The following TBCK variants were observed in gnomAD, a reference collection of about 807,000 sequenced individuals.
TBCK encodes TBC1 domain containing kinase.
In TBCK, 99 loss-of-function variants were observed where a neutral mutation model predicts 113.4. The ratio of observed to expected loss-of-function variants is 0.87; its 90% confidence interval spans 0.74 to 1.03. The LOEUF is 1.03. Among genes scored for constraint, TBCK ranks in the 50% least tolerant of loss-of-function variants. The pLI is 0.00. For missense variants in TBCK, 1,045 were observed against 1,061.3 expected, an observed-to-expected ratio of 0.98 and a Z score of 0.21; for synonymous variants, 369 against 370.8, an observed-to-expected ratio of 1.00 and a Z score of 0.05.
chr4:106,220,605 C>A (rs1381120920), intron 19 of TBCK, among the ~76,000 whole-genome samples: 1 of 151,640 alleles, frequency 6.6e-6, no homozygotes, highest in African/African-American at 2.4e-5. Context: ...TTTACCCATG[C>A]TGGATTTAAA....
At chr4:106,159,773 A>C (rs1439432261) in intron 23 of TBCK, among the ~76,000 whole-genome samples, 1 of 152,038 alleles carries the variant, frequency 6.6e-6, no homozygotes, top group Non-Finnish European at 1.5e-5. Flanking sequence ...AAATAGAAAG[A>C]CCTATCCCAA....
intron 22 of TBCK, among the ~76,000 whole-genome samples, chr4:106,191,356 A>G (rs1753646690): frequency 6.6e-6 from 1 of 152,234 alleles, no homozygotes; most frequent in African/African-American, 2.4e-5. Flanking sequence ...AAATGAAAAT[A>G]GTATTATTCA....
chr4:106,264,278 G>C (rs182298328), intron 3 of TBCK, among the ~76,000 whole-genome samples: 39 of 152,084 alleles, frequency 2.6e-4, no homozygotes, highest in African/African-American at 7.7e-4. Flanking sequence ...AGATAATGTG[G>C]TCAGGGAAGT....
chr4:106,185,143 G>A (rs1191560038), intron 22 of TBCK, among the ~76,000 whole-genome samples: 2 of 151,984 alleles, frequency 1.3e-5, no homozygotes, highest in East Asian at 3.9e-4. Flanking sequence ...TTGATAATTT[G>A]CACAGAAGGA....
chr4:106,295,103 T>C lies in TBCK; in HGVS notation c.257A>G (p.Lys86Arg), dbSNP rs1345914815. The change falls in exon 3 of 26, where the codon AAA becomes AGA. Residue 86 changes from lysine (K) to arginine (R), a missense_variant. Coordinates refer to ENST00000394708, the MANE Select transcript of TBCK (RefSeq NM_001163435.3). ...TGATACTATACAGTACCTCACAGGT[T>C]TCCTTTCTCGAAGCAAGTCTTCCAG... ...RSLEDLLRER[K>R]PVSCSTVLCI... 11 of 1,612,904 alleles carry C rather than the reference T, an allele frequency of 6.8e-6. No homozygotes were observed. Among genetic ancestry groups the C allele is most frequent in the Non-Finnish European group, 7.6e-6 (9 of 1,179,310 alleles).
chr4:106,155,382 A>G (rs1228513330), intron 23 of TBCK, among the ~76,000 whole-genome samples: 3 of 152,092 alleles, frequency 2.0e-5, no homozygotes, highest in African/African-American at 7.2e-5. Flanking sequence ...TTGTACTTGA[A>G]TATTGATATC....
At position 106,041,990 on chromosome 4, in the gene TBCK, G is replaced by T. The variant is rs1733900684; in HGVS notation, c.*4580C>A. 1.3e-5 allele frequency: 2 copies of T among 152,136 alleles called. No individual in the cohort carries two copies. Among genetic ancestry groups the T allele is most frequent in the African/African-American group, 2.4e-5 (1 of 41,426 alleles). The allele number at this position is 152,136 out of a possible 1,614,324, so 9.4% of individuals were successfully genotyped here. The stretch of plus-strand genomic sequence containing the variant: ...TAAAACTGGATTACAAAACCTAAAG[G>T]TTGTGTGTGAGCAATTACATACCCT... On this transcript the variant is annotated 3_prime_UTR_variant, in exon 26 of 26. Transcript: ENST00000394708.
At chr4:106,266,060 A>C (rs1762961935) in intron 3 of TBCK, among the ~76,000 whole-genome samples, 1 of 151,678 alleles carries the variant, frequency 6.6e-6, no homozygotes, top group Non-Finnish European at 1.5e-5. Context: ...AGTTTTCATA[A>C]ACATCTTCAA....
rs1397937139 is a variant in TBCK, at chr4:106,043,951, C to A, written c.*2619G>T. 2 of 152,100 alleles carry A rather than the reference C, an allele frequency of 1.3e-5. No homozygotes were observed. Among genetic ancestry groups the A allele is most frequent in the Non-Finnish European group, 2.9e-5 (2 of 68,028 alleles). The allele number at this position is 152,100 out of a possible 1,614,324, so 9.4% of individuals were successfully genotyped here. A position where few individuals can be genotyped will look rare whatever the true frequency, so the allele number is the denominator to read the frequency against. On this transcript the variant is annotated 3_prime_UTR_variant, in exon 26 of 26. Coordinates refer to ENST00000394708, the MANE Select transcript of TBCK (RefSeq NM_001163435.3). The stretch of plus-strand genomic sequence containing the variant: ...GTATCATCCACCATGAAATAACATG[C>A]CCTGTGTATAAACATGGCAGTGATA...
At chr4:106,292,177 T>C (rs1189757370) in intron 3 of TBCK, among the ~76,000 whole-genome samples, 1 of 152,194 alleles carries the variant, frequency 6.6e-6, no homozygotes, top group Non-Finnish European at 1.5e-5. Context: ...TGTGAGTCTA[T>C]GCACTGTGCC....
chr4:106,253,008 A>G (rs1280706606), intron 5 of TBCK, among the ~76,000 whole-genome samples: 3 of 152,172 alleles, frequency 2.0e-5, no homozygotes, highest in Non-Finnish European at 2.9e-5. Context: ...GAAAGCTTCA[A>G]TGAACACCCA....
At chr4:106,095,414 T>A in intron 25 of TBCK, 68 bp downstream of exon 25, 1 of 1,387,838 alleles carries the variant, frequency 7.2e-7, no homozygotes, top group Admixed American at 2.2e-5. Context: ...TACTTTTAGA[T>A]AACCTTCATA....
At chr4:106,169,733 GA>G (rs1750775386) in intron 23 of TBCK, among the ~76,000 whole-genome samples, 1 of 152,014 alleles carries the variant, frequency 6.6e-6, no homozygotes, top group Admixed American at 6.6e-5. Context: ...AATATATAAT[GA>G]AATAATTACA....
chr4:106,116,356 T>C lies in TBCK; in HGVS notation c.2258A>G (p.Asn753Ser). The C allele has an allele frequency of 4.3e-6, 7 of 1,613,232 alleles. No homozygotes were observed. The highest frequency in any genetic ancestry group is 5.9e-6 in the Non-Finnish European group (7 of 1,179,716). The change falls in exon 24 of 26, where the codon AAT (asparagine) becomes AGT (serine). Residue 753 changes from asparagine to serine, a missense_variant. By Grantham distance (46) the Asn-to-Ser change is conservative (BLOSUM62 1). Transcript: ENST00000394708. ...TDLSRESIPLNDLKSEVSPRI... is the reference protein window; with the variant it reads ...TDLSRESIPLSDLKSEVSPRI... ...TGGTGATACTTCTGACTTCAGGTCA[T>C]TTAATGGGATGGATTCTCTTGACTG... is the stretch of plus-strand genomic sequence containing the variant.
At chr4:106,058,727 C>T (rs1188931649) in intron 25 of TBCK, among the ~76,000 whole-genome samples, 7 of 151,694 alleles carry the variant, frequency 4.6e-5, no homozygotes, top group African/African-American at 1.7e-4. Context: ...GATTAGGATT[C>T]GAACTTCATT....
At chr4:106,162,188 G>A (rs1458831557) in intron 23 of TBCK, among the ~76,000 whole-genome samples, 2 of 152,114 alleles carry the variant, frequency 1.3e-5, no homozygotes, top group Admixed American at 1.3e-4. Flanking sequence ...AATTCAGCAG[G>A]GCAGCCAGAT....
At chr4:106,055,490 C>T (rs1218519362) in intron 25 of TBCK, among the ~76,000 whole-genome samples, 3 of 151,192 alleles carry the variant, frequency 2.0e-5, no homozygotes, top group Admixed American at 6.6e-5. Flanking sequence ...TGGTGCATAA[C>T]ATCTTAGCAT....
intron 23 of TBCK, among the ~76,000 whole-genome samples, chr4:106,147,906 A>G (rs1434648904): frequency 6.6e-6 from 1 of 152,210 alleles, no homozygotes; most frequent in Non-Finnish European, 1.5e-5. Context: ...ATATTGCTGA[A>G]TTCTTTTTCT....
At chr4:106,060,236 T>C (rs1367646417) in intron 25 of TBCK, among the ~76,000 whole-genome samples, 1 of 151,770 alleles carries the variant, frequency 6.6e-6, no homozygotes, top group Non-Finnish European at 1.5e-5. Flanking sequence ...CAGCCTTTGA[T>C]TGGAAGAAGA....
Sources: allele counts gnomAD v4.1 joint callset (sites outside exome capture counted in the v4.1 genomes callset), GRCh38; gene constraint gnomAD v4.1.1; transcripts MANE v1.5; gene names NCBI Gene and HGNC (gene_info 2026-07-23, HGNC 2026-07-21).